Variants in CDK5RAP1 observed in about 807,000 individuals in gnomAD.
The protein encoded by CDK5RAP1 is mitochondrial tRNA methylthiotransferase CDK5RAP1.
A neutral mutation model predicts 64.5 loss-of-function variants in CDK5RAP1; 62 were observed. The observed-to-expected ratio is 0.96, with a 90% CI of 0.78 to 1.19. The LOEUF is 1.19. Among genes scored for constraint, CDK5RAP1 ranks in the 50% most tolerant of loss-of-function variants. The probability of loss-of-function intolerance (pLI) is 0.00; values close to 1 mark genes in which losing one functional copy is unlikely to be tolerated. For missense variants in CDK5RAP1, 657 were observed against 735.0 expected (o/e 0.89, Z 1.23); for synonymous variants, 250 against 261.9 (o/e 0.95, Z 0.44).
intron 7 of CDK5RAP1, among the ~76,000 whole-genome samples, chr20:33,384,518 G>A (rs981987818): frequency 2.6e-5 from 4 of 152,110 alleles, no homozygotes; most frequent in Non-Finnish European, 4.4e-5. Flanking sequence ...GCAGCTAGGG[G>A]CCAAATCAAG....
At chr20:33,391,474 A>G (rs1308104087) in intron 5 of CDK5RAP1, among the ~76,000 whole-genome samples, 8 of 152,110 alleles carry the variant, frequency 5.3e-5, no homozygotes, top group Non-Finnish European at 8.8e-5. Context: ...GCAGACCTAA[A>G]TCTTCACTTG....
chr20:33,392,913 C>T (rs1014515082), intron 4 of CDK5RAP1, among the ~76,000 whole-genome samples: 1 of 150,650 alleles, frequency 6.6e-6, no homozygotes, highest in South Asian at 2.1e-4. Flanking sequence ...TGGAGTCTCG[C>T]TTTGTCACCA....
intron 13 of CDK5RAP1, 135 bp from the exon 14 acceptor site, chr20:33,359,258 T>C (rs1488795248): frequency 1.6e-6 from 1 of 643,714 alleles, no homozygotes; most frequent in Non-Finnish European, 2.7e-6. Context: ...ACATGGCTCC[T>C]GTGTGCCCCC....
At chr20:33,366,606 C>A (rs764634227) in intron 12 of CDK5RAP1, among the ~76,000 whole-genome samples, 4 of 152,014 alleles carry the variant, frequency 2.6e-5, no homozygotes, top group Non-Finnish European at 1.5e-5. Flanking sequence ...AGCGAGACTC[C>A]GTCTCAAAAA....
chr20:33,367,616 C>T (rs1984227806), intron 11 of CDK5RAP1, among the ~76,000 whole-genome samples: 1 of 152,122 alleles, frequency 6.6e-6, no homozygotes, highest in Non-Finnish European at 1.5e-5. Flanking sequence ...TGGTTGCCTT[C>T]AGGGAAGGAA....
intron 12 of CDK5RAP1, among the ~76,000 whole-genome samples, chr20:33,365,468 C>T (rs547838884): frequency 4.0e-5 from 6 of 151,860 alleles, no homozygotes; most frequent in African/African-American, 1.5e-4. Flanking sequence ...GACGGTGATT[C>T]ACCATGTTGG....
intron 7 of CDK5RAP1, among the ~76,000 whole-genome samples, chr20:33,385,442 T>A (rs112597585): frequency 6.6e-6 from 1 of 152,186 alleles, no homozygotes; most frequent in Non-Finnish European, 1.5e-5. Flanking sequence ...TGTAATCTCA[T>A]GCCCTCTCCA....
chr20:33,370,799 C>T (rs973390679), intron 10 of CDK5RAP1, among the ~76,000 whole-genome samples, 170 bp from the exon 11 acceptor site: 1 of 152,128 alleles, frequency 6.6e-6, no homozygotes, highest in African/African-American at 2.4e-5. Context: ...CCTGTTCACC[C>T]ACAGCATTCC....
chr20:33,372,726 T>A, intron 9 of CDK5RAP1, 29 bp from the exon 10 acceptor site: 1 of 1,458,974 alleles, frequency 6.9e-7, no homozygotes, highest in Non-Finnish European at 9.5e-7. Context: ...GGAAAAGGCC[T>A]ACATAAATCC....
chr20:33,367,836 G>A (rs138124745), intron 11 of CDK5RAP1, among the ~76,000 whole-genome samples: 165 of 152,302 alleles, frequency 1.1e-3, no homozygotes, highest in African/African-American at 3.7e-3. Context: ...CACTGAGCTA[G>A]ACAAAAATAT....
intron 7 of CDK5RAP1, among the ~76,000 whole-genome samples, chr20:33,382,156 G>C (rs556688136): frequency 6.6e-6 from 1 of 152,238 alleles, no homozygotes; most frequent in African/African-American, 2.4e-5. Flanking sequence ...GGCAATGCTC[G>C]AGGAAACTCT....
chr20:33,391,217 C>A (rs1195308535), intron 5 of CDK5RAP1, among the ~76,000 whole-genome samples: 1 of 147,372 alleles, frequency 6.8e-6, no homozygotes, highest in African/African-American at 2.5e-5. Flanking sequence ...TCATGCCACT[C>A]CAGTCTGGGC....
chr20:33,398,344 A>T (rs917185374), intron 1 of CDK5RAP1, among the ~76,000 whole-genome samples: 3 of 152,180 alleles, frequency 2.0e-5, no homozygotes, highest in African/African-American at 7.2e-5. Flanking sequence ...AATACAAAAA[A>T]TTAGCTGGAT....
At chr20:33,393,036 C>T (rs565124258) in intron 4 of CDK5RAP1, among the ~76,000 whole-genome samples, 5 of 152,048 alleles carry the variant, frequency 3.3e-5, no homozygotes, top group South Asian at 2.1e-4. Flanking sequence ...TGCACCACCA[C>T]GCCTGGCTAA....
At chr20:33,365,211 G>A (rs1485747347) in intron 12 of CDK5RAP1, among the ~76,000 whole-genome samples, 1 of 152,042 alleles carries the variant, frequency 6.6e-6, no homozygotes, top group Non-Finnish European at 1.5e-5. Context: ...GACATTTGTT[G>A]AGGCTGGTTA....
chr20:33,392,139 T>TA lies in CDK5RAP1; in HGVS notation c.544+2dup. Reference sequence around the variant, plus strand: ...CTGACAAAATGTGCAAATTACCAGATACCTAGAATTCCAATCCTCAGAGGA... The same window carrying TA: ...CTGACAAAATGTGCAAATTACCAGATAACCTAGAATTCCAATCCTCAGAGGA... On this transcript the variant is annotated splice_region_variant and intron_variant, in intron 5 of 13. Transcript: ENST00000346416. 6.3e-7 allele frequency: 1 copy of TA among 1,583,314 alleles called. No individual in the cohort carries two copies. Among genetic ancestry groups the TA allele is most frequent in the Non-Finnish European group, 8.7e-7 (1 of 1,155,238 alleles).
At position 33,401,312 on chromosome 20, in the gene CDK5RAP1, C is replaced by T. The variant is rs538534340; in HGVS notation, c.-21+116G>A. 1.4e-4 allele frequency: 112 copies of T among 790,716 alleles called. No homozygotes were observed. The African/African-American group carries it at 1.7e-3, about 12-fold the overall frequency. 49.0% of individuals were successfully genotyped at this position (790,716 alleles called of 1,614,324 possible). On this transcript the variant is annotated intron_variant, in intron 1 of 13. Coordinates refer to ENST00000346416, the MANE Select transcript of CDK5RAP1 (RefSeq NM_016408.4). ...CTGACGCCAGGCCCCACGCCATAACCACCGTGCCATCCTCCCTCTTGAACA... is the reference window on the plus strand; with the variant it reads ...CTGACGCCAGGCCCCACGCCATAACTACCGTGCCATCCTCCCTCTTGAACA...
At chr20:33,361,909 T>G (rs1212642843) in intron 12 of CDK5RAP1, among the ~76,000 whole-genome samples, 2 of 130,126 alleles carry the variant, frequency 1.5e-5, no homozygotes, top group Admixed American at 9.5e-5. Flanking sequence ...TGAGCCGAGA[T>G]CACGCCACTG....
Position 33,396,891 on chromosome 20 carries a change from C to T in CDK5RAP1, c.174G>A (p.Arg58=). ...GTTGAAAAGTCGGTCCAGCAGCCAG[C>T]CTGGAGCTGAAATCCTTCCGAGCTC... The part of the protein sequence containing the change: ...EDGARKDFSS[R]LAAGPTFQHF... The change falls in exon 2 of 14, where the codon AGG becomes AGA. Residue 58 remains arginine (R), a synonymous_variant. Coordinates refer to ENST00000346416, the MANE Select transcript of CDK5RAP1 (RefSeq NM_016408.4). The T allele has an allele frequency of 1.2e-6, 2 of 1,614,206 alleles. No homozygotes were observed. The highest frequency in any genetic ancestry group is 2.2e-5 in the South Asian group (2 of 91,090).
Sources: allele counts gnomAD v4.1 joint callset (sites outside exome capture counted in the v4.1 genomes callset), GRCh38; gene constraint gnomAD v4.1.1; transcripts MANE v1.5; gene names NCBI Gene and HGNC (gene_info 2026-07-23, HGNC 2026-07-21).